The following ZNF536 variants were observed in gnomAD, a reference collection of about 807,000 sequenced individuals.
ZNF536 encodes the protein zinc finger protein 536.
Under a neutral mutation model 84.5 loss-of-function variants are expected in ZNF536, and 13 were observed. That is an observed-to-expected ratio of 0.15 (90% CI 0.10 to 0.24). The LOEUF is 0.24. ZNF536 is among the 10% of genes least tolerant of loss of function. The pLI, the probability that ZNF536 is intolerant of heterozygous loss-of-function variation, is 1.00. For synonymous variants in ZNF536, 811 were observed against 742.5 expected (o/e 1.09, Z -1.50); for missense variants, 1,536 against 1,747.5 (o/e 0.88, Z 2.16).
chr19:30,694,952 G>A (rs7250973), intron 1 of ZNF536, among the ~76,000 whole-genome samples: 43,162 of 152,110 alleles, frequency 0.28, 6,753 homozygotes, highest in East Asian at 0.44. Context: ...CTTCAATGCA[G>A]GAAAGAGGAA....
intron 1 of ZNF536, among the ~76,000 whole-genome samples, chr19:30,594,677 G>A (rs901593648): frequency 6.6e-6 from 1 of 151,930 alleles, no homozygotes; most frequent in Admixed American, 6.5e-5. Flanking sequence ...TGGGTGAGGG[G>A]TCCTGCTCCC....
chr19:30,459,207 G>A (rs1049998466), intron 2 of ZNF536, among the ~76,000 whole-genome samples: 1 of 151,646 alleles, frequency 6.6e-6, no homozygotes, highest in African/African-American at 2.4e-5. Flanking sequence ...GGCCAGGGGA[G>A]TGGTTGGTTT....
intron 1 of ZNF536, among the ~76,000 whole-genome samples, chr19:30,266,657 G>A (rs2025529551): frequency 6.6e-6 from 1 of 152,108 alleles, no homozygotes; most frequent in South Asian, 2.1e-4. Flanking sequence ...ATTTTTATTA[G>A]AAAAGTTTAC....
chr19:30,438,111 C>G (rs1398599912), intron 1 of ZNF536, among the ~76,000 whole-genome samples: 1 of 152,070 alleles, frequency 6.6e-6, no homozygotes, highest in Non-Finnish European at 1.5e-5. Flanking sequence ...AAATTTTAGA[C>G]TCGGGGGTAC....
At chr19:30,243,702 G>A (rs1261877590) in intron 1 of ZNF536, among the ~76,000 whole-genome samples, 1 of 152,208 alleles carries the variant, frequency 6.6e-6, no homozygotes, top group Non-Finnish European at 1.5e-5. Context: ...TATTACGTCT[G>A]GCTCATTAAT....
At chr19:30,437,630 CA>C (rs760828394) in intron 1 of ZNF536, among the ~76,000 whole-genome samples, 1 of 152,060 alleles carries the variant, frequency 6.6e-6, no homozygotes, top group Non-Finnish European at 1.5e-5. Flanking sequence ...CTTAGTTCTT[CA>C]TCAATACTGA....
At chr19:30,707,910 C>G (rs1056623982) in intron 1 of ZNF536, among the ~76,000 whole-genome samples, 2 of 150,346 alleles carry the variant, frequency 1.3e-5, no homozygotes, top group African/African-American at 2.5e-5. Flanking sequence ...CTCGGGGAGT[C>G]TAAGGCGGGA....
At chr19:30,636,098 A>G (rs1217989132) in intron 1 of ZNF536, among the ~76,000 whole-genome samples, 1 of 152,154 alleles carries the variant, frequency 6.6e-6, no homozygotes, top group Non-Finnish European at 1.5e-5. Context: ...GGGCTTTGGA[A>G]TCTTGCTTGG....
chr19:30,644,879 A>G (rs1187148882), intron 1 of ZNF536, among the ~76,000 whole-genome samples: 1 of 152,180 alleles, frequency 6.6e-6, no homozygotes, highest in East Asian at 1.9e-4. Context: ...TTGGGTATAT[A>G]CCCAGTAATG....
intron 1 of ZNF536, among the ~76,000 whole-genome samples, chr19:30,574,166 C>T (rs1236603359): frequency 4.6e-5 from 7 of 152,178 alleles, no homozygotes; most frequent in Non-Finnish European, 1.0e-4. Flanking sequence ...GGAACTATAG[C>T]AGCCTTAAAA....
intron 1 of ZNF536, among the ~76,000 whole-genome samples, chr19:30,402,022 A>T (rs2050064942): frequency 1.3e-5 from 2 of 152,238 alleles, no homozygotes; most frequent in Non-Finnish European, 2.9e-5. Flanking sequence ...GCTTAGCAAA[A>T]AGTTTTACAA....
intron 1 of ZNF536, among the ~76,000 whole-genome samples, chr19:30,237,428 AGG>A (rs2023612845): frequency 6.6e-6 from 1 of 152,162 alleles, no homozygotes; most frequent in Admixed American, 6.5e-5. Context: ...TAGGAATCAG[AGG>A]GCTTAGCAGA....
At chr19:30,681,274 G>T (rs1050429840) in intron 1 of ZNF536, among the ~76,000 whole-genome samples, 2 of 152,094 alleles carry the variant, frequency 1.3e-5, no homozygotes, top group African/African-American at 4.8e-5. Context: ...CTGACTCCTG[G>T]GGCTTTCTGC....
upstream of ZNF536, among the ~76,000 whole-genome samples, chr19:30,226,388 A>G (rs1599794700): frequency 6.7e-6 from 1 of 148,958 alleles, no homozygotes; most frequent in Non-Finnish European, 1.5e-5. The surrounding 1 kb of genome is among the most constrained non-coding windows in gnomAD (Gnocchi z 4.6). Context: ...AGAGAGGGTA[A>G]TTTGCAACCT....
intron 1 of ZNF536, among the ~76,000 whole-genome samples, chr19:30,608,028 G>A (rs896002623): frequency 3.3e-5 from 5 of 152,100 alleles, no homozygotes; most frequent in Non-Finnish European, 4.4e-5. Flanking sequence ...TGATATTGTT[G>A]TGAGATTTTG....
At chr19:30,647,332 T>C (rs936423811) in intron 1 of ZNF536, among the ~76,000 whole-genome samples, 2 of 152,228 alleles carry the variant, frequency 1.3e-5, no homozygotes, top group Admixed American at 1.3e-4. Flanking sequence ...ATAAGGGCTC[T>C]TGGCCACTGG....
intron 1 of ZNF536, among the ~76,000 whole-genome samples, chr19:30,625,102 C>T (rs2048628586): frequency 6.6e-6 from 1 of 152,156 alleles, no homozygotes; most frequent in Non-Finnish European, 1.5e-5. Flanking sequence ...GACTAATATA[C>T]CAGGAATGCA....
rs1053201176 is a variant in ZNF536 at position 30,400,136 on chromosome 19, CT to C, written c.-3+27592del. ...ATTTCACTATTCTCCTATTGTAGGA[CT>C]TTTTTTTTTTTCCAGAATTTGGCTG... On this transcript the variant is annotated intron_variant, in intron 1 of 4. Coordinates refer to ENST00000355537, the MANE Select transcript of ZNF536 (RefSeq NM_014717.3). Among the ~76,000 whole-genome samples the C allele has an allele frequency of 1.5e-3, 223 of 146,670 alleles. 1 individual carries two copies. Among genetic ancestry groups the C allele is most frequent in the Middle Eastern group, 3.7e-3 (1 of 270 alleles).
intron 2 of ZNF536, among the ~76,000 whole-genome samples, chr19:30,304,973 G>C (rs11669925): frequency 0.32 from 49,034 of 152,150 alleles, 10,346 homozygotes; most frequent in Non-Finnish European, 0.47. Context: ...ACTGCTTGGG[G>C]CAGACATCTC....
Sources: allele counts gnomAD v4.1 joint callset (sites outside exome capture counted in the v4.1 genomes callset), GRCh38; gene constraint gnomAD v4.1.1; non-coding constraint Gnocchi (gnomAD v3.1); transcripts MANE v1.5; gene names NCBI Gene and HGNC (gene_info 2026-07-23, HGNC 2026-07-21).